CSRNP1: variants seen among roughly 807,000 people sequenced by gnomAD.
CSRNP1 encodes cysteine/serine-rich nuclear protein 1.
Under a neutral mutation model 25.0 loss-of-function variants are expected in CSRNP1, and 8 were observed. The observed-to-expected ratio is 0.32, with a 90% confidence interval of 0.19 to 0.58. CSRNP1 has a LOEUF of 0.58. Ranked by LOEUF, CSRNP1 falls within the 20% of genes least tolerant of loss-of-function variation. CSRNP1 has a pLI of 0.88. For synonymous variants in CSRNP1, 305 were observed against 303.1 expected (o/e 1.01, Z -0.06); for missense variants, 691 against 773.1 (o/e 0.89, Z 1.26).
intron 1 of CSRNP1, among the ~76,000 whole-genome samples, chr3:39,147,080 C>T (rs956324298): frequency 2.6e-5 from 4 of 151,984 alleles, no homozygotes; most frequent in Non-Finnish European, 5.9e-5. Context: ...TGCATCCACA[C>T]CAGCAGGGGA....
At chr3:39,153,712 C>A, upstream of CSRNP1, 1 of 151,472 alleles carries the variant, frequency 6.6e-6, no homozygotes. Context: ...CCCGGAGGCG[C>A]CGCCTCCTCC....
At chr3:39,146,410 G>A (rs2039511375) in intron 2 of CSRNP1, 68 bp downstream of exon 2, 1 of 1,472,530 alleles carries the variant, frequency 6.8e-7, no homozygotes, top group Admixed American at 2.6e-5. Context: ...ATTTGGTCAG[G>A]GACTTCTAAA....
chr3:39,146,497 G>A lies in CSRNP1; in HGVS notation c.186C>T (p.Cys62=), dbSNP rs1003217741. The change falls in exon 2 of 5, where the codon TGC becomes TGT. Residue 62 remains cysteine, a synonymous_variant. Coordinates refer to ENST00000273153, the MANE Select transcript of CSRNP1 (RefSeq NM_033027.4). Reference sequence around the variant, plus strand: ...ACTCACGGGTGAAACTTCTGGGGCCGCAGAAGTCACGGTCAGGCAGGGGCA... The same window carrying A: ...ACTCACGGGTGAAACTTCTGGGGCCACAGAAGTCACGGTCAGGCAGGGGCA... ...DQMPLPDRDF[C]GPRSFTPLSI... 6.5e-6 allele frequency: 10 copies of A among 1,546,658 alleles called. No individual in the cohort carries two copies. Among genetic ancestry groups the A allele is most frequent in the South Asian group, 3.6e-5 (3 of 83,706 alleles).
In CSRNP1 at chr3:39,143,718, A is replaced by C; in HGVS notation, c.1107T>G (p.Pro369=). The C allele has an allele frequency of 6.2e-7, 1 of 1,614,236 alleles. No individual in the cohort carries two copies. Among genetic ancestry groups the C allele is most frequent in the Non-Finnish European group, 8.5e-7 (1 of 1,180,040 alleles). Residue 369 remains proline, a synonymous_variant, in exon 5 of 5, where the codon CCT becomes CCG. Coordinates refer to ENST00000273153, the MANE Select transcript of CSRNP1 (RefSeq NM_033027.4). ...GCAGGCCTGGGTGGGTGGGGCAGTC[A>C]GGAGCCTCACTAGTGCCCGATGCTG... ...SSSASGTSEA[P]DCPTHPGLPG...
chr3:39,146,158 A>G (rs1042438342), intron 2 of CSRNP1, among the ~76,000 whole-genome samples: 5 of 152,200 alleles, frequency 3.3e-5, no homozygotes, highest in Admixed American at 2.6e-4. Flanking sequence ...GAACTCCAGC[A>G]GTTCCATTTG....
intron 1 of CSRNP1, among the ~76,000 whole-genome samples, chr3:39,148,027 T>G (rs2039540465): frequency 6.6e-6 from 1 of 152,178 alleles, no homozygotes; most frequent in Non-Finnish European, 1.5e-5. Flanking sequence ...AACACTCCTT[T>G]GCCCTCTTCC....
chr3:39,144,268 G>C lies in CSRNP1; in HGVS notation c.649C>G (p.Arg217Gly), dbSNP rs1230198888. The change falls in exon 4 of 5, where the codon CGA becomes GGA. Residue 217 changes from arginine (R) to glycine (G), a missense_variant. Arg to Gly is a moderately radical substitution (Grantham distance 125). Coordinates refer to ENST00000273153, the MANE Select transcript of CSRNP1 (RefSeq NM_033027.4). ...CGCTTCTCCTCCCGATCGATCCTTC[G>C]CACACCTGAAGCCCTCAGCAGAGCT... The part of the protein sequence containing the change: ...RRALLRASGV[R>G]RIDREEKREL... The C allele has an allele frequency of 6.2e-7, 1 of 1,614,012 alleles. No homozygotes were observed. Among genetic ancestry groups the C allele is most frequent in the Non-Finnish European group, 8.5e-7 (1 of 1,180,024 alleles).
intron 1 of CSRNP1, among the ~76,000 whole-genome samples, chr3:39,146,975 C>A (rs1191669263): frequency 1.3e-5 from 2 of 152,098 alleles, no homozygotes; most frequent in Non-Finnish European, 2.9e-5. Context: ...CCCACCTCTG[C>A]CCAAAGCCTT....
chr3:39,146,500 G>A lies in CSRNP1; in HGVS notation c.183C>T (p.Phe61=), dbSNP rs2039513031. Reference sequence around the variant, plus strand: ...CACGGGTGAAACTTCTGGGGCCGCAGAAGTCACGGTCAGGCAGGGGCATCT... The same window carrying A: ...CACGGGTGAAACTTCTGGGGCCGCAAAAGTCACGGTCAGGCAGGGGCATCT... ...WDQMPLPDRD[F]CGPRSFTPLS... Residue 61 remains phenylalanine, a synonymous_variant, in exon 2 of 5, where the codon TTC becomes TTT. Transcript: ENST00000273153. 3.2e-6 allele frequency: 5 copies of A among 1,548,128 alleles called. No individual in the cohort carries two copies. In the South Asian group the frequency reaches 3.6e-5, roughly 11 times the overall value.
In CSRNP1 at chr3:39,144,152, T is replaced by C. The variant is rs1275470471; in HGVS notation, c.765A>G (p.Ala255=). 3 of 1,613,124 alleles carry C rather than the reference T, an allele frequency of 1.9e-6. No homozygotes were observed. The highest frequency in any genetic ancestry group is 2.2e-5 in the East Asian group (1 of 44,846). ...GCCACCACACCTGGCACTTGATGCC[T>C]GCCAGGCTGCAGCTGCAGGTCTCAG... ...CDPETCSCSL[A]GIKCQMDHTA... Residue 255 remains alanine, a synonymous_variant, in exon 4 of 5, where the codon GCA becomes GCG. Transcript: ENST00000273153.
rs1372622205 is a variant in CSRNP1, at chr3:39,146,513, G to A, written c.170C>T (p.Pro57Leu). Residue 57 changes from proline (P) to leucine (L), a missense_variant, in exon 2 of 5, where the codon CCT (proline) becomes CTT (leucine). Coordinates refer to ENST00000273153, the MANE Select transcript of CSRNP1 (RefSeq NM_033027.4). ...EEGPWDQMPLPDRDFCGPRSF... is the reference protein window; with the variant it reads ...EEGPWDQMPLLDRDFCGPRSF... ...TCTGGGGCCGCAGAAGTCACGGTCAGGCAGGGGCATCTGATCCCAGGGGCC... is the reference window on the plus strand; with the variant it reads ...TCTGGGGCCGCAGAAGTCACGGTCAAGCAGGGGCATCTGATCCCAGGGGCC... 7.7e-6 allele frequency: 12 copies of A among 1,550,710 alleles called. No individual in the cohort carries two copies. Among genetic ancestry groups the A allele is most frequent in the Non-Finnish European group, 1.0e-5 (12 of 1,146,494 alleles).
rs2039442502 is a variant in CSRNP1, at chr3:39,143,297, C to T, written c.1528G>A (p.Ala510Thr). 1 of 1,614,044 alleles carries T rather than the reference C, an allele frequency of 6.2e-7. No homozygotes were observed. The highest frequency in any genetic ancestry group is 1.3e-5 in the African/African-American group (1 of 74,920). Residue 510 changes from alanine (A) to threonine (T), a missense_variant, in exon 5 of 5, where the codon GCT (alanine) becomes ACT (threonine). Transcript: ENST00000273153. ...SSCDSFELLQ[A>T]LPDYSLGPHY... is the part of the protein sequence containing the mutation. Reference sequence around the variant, plus strand: ...GGCCCCAGACTATAATCTGGCAGAGCCTGGAGTAACTCAAAGGAGTCACAA... The same window carrying T: ...GGCCCCAGACTATAATCTGGCAGAGTCTGGAGTAACTCAAAGGAGTCACAA...
In CSRNP1 at chr3:39,144,016, C is replaced by G; in HGVS notation, c.809G>C (p.Cys270Ser). Residue 270 changes from cysteine (C) to serine (S), a missense_variant, in exon 5 of 5, where the codon TGC (cysteine) becomes TCC (serine). Physicochemically the swap from Cys to Ser is moderately radical, Grantham distance 112 (BLOSUM62 -1). Transcript: ENST00000273153. ...GGGGTTCTCACAGCCCTCCCTGCAG[C>G]AGCCACAGGGGAATGCTGTGTGGTC... Reference protein sequence around the residue: ...QMDHTAFPCGCCREGCENPMG... With the variant: ...QMDHTAFPCGSCREGCENPMG... 1.2e-6 allele frequency: 2 copies of G among 1,612,746 alleles called. No individual in the cohort carries two copies.
chr3:39,143,302 A>G lies in CSRNP1; in HGVS notation c.1523T>C (p.Leu508Pro). 1 of 1,614,190 alleles carries G rather than the reference A, an allele frequency of 6.2e-7. No homozygotes were observed. Among genetic ancestry groups the G allele is most frequent in the Non-Finnish European group, 8.5e-7 (1 of 1,180,030 alleles). Reference sequence around the variant, plus strand: ...CAGACTATAATCTGGCAGAGCCTGGAGTAACTCAAAGGAGTCACAAGAAGA... The same window carrying G: ...CAGACTATAATCTGGCAGAGCCTGGGGTAACTCAAAGGAGTCACAAGAAGA... The part of the protein sequence containing the change: ...SLSSCDSFEL[L>P]QALPDYSLGP... The change falls in exon 5 of 5, where the codon CTC (leucine) becomes CCC (proline). Residue 508 changes from leucine (L) to proline (P), a missense_variant. Transcript: ENST00000273153.
rs1422505810 is a variant in CSRNP1 at position 39,143,868 on chromosome 3, G to A, written c.957C>T (p.Ser319=). ...FRELEAPAQG[S]PPSPGEEALV... is the part of the protein sequence containing the mutation. ...GGGCCTCCTCACCAGGGCTGGGTGG[G>A]CTGCCCTGGGCAGGGGCCTCCAGCT... Residue 319 remains serine (S), a synonymous_variant, in exon 5 of 5, where the codon AGC becomes AGT. Coordinates refer to ENST00000273153, the MANE Select transcript of CSRNP1 (RefSeq NM_033027.4). The A allele has an allele frequency of 1.9e-6, 3 of 1,614,220 alleles. No homozygotes were observed. Among genetic ancestry groups the A allele is most frequent in the Non-Finnish European group, 2.5e-6 (3 of 1,180,024 alleles).
At position 39,143,219 on chromosome 3, in the gene CSRNP1, G is replaced by C; in HGVS notation, c.1606C>G (p.His536Asp). 1.2e-6 allele frequency: 2 copies of C among 1,614,230 alleles called. No homozygotes were observed. The highest frequency in any genetic ancestry group is 8.5e-7 in the Non-Finnish European group (1 of 1,180,050). ...SDSLDNIEAP[H>D]FPLPGLSPPG... ...GGAGACAGGCCAGGCAGGGGGAAGTGAGGTGCCTCGATGTTGTCCAGGCTG... is the reference window on the plus strand; with the variant it reads ...GGAGACAGGCCAGGCAGGGGGAAGTCAGGTGCCTCGATGTTGTCCAGGCTG... Residue 536 changes from histidine (H) to aspartate (D), a missense_variant, in exon 5 of 5, where the codon CAC (histidine) becomes GAC (aspartate). Coordinates refer to ENST00000273153, the MANE Select transcript of CSRNP1 (RefSeq NM_033027.4).
Position 39,143,845 on chromosome 3 carries a change from G to A in CSRNP1, c.980C>T (p.Ala327Val), listed in dbSNP as rs1204437952. 1 of 1,614,208 alleles carries A rather than the reference G, an allele frequency of 6.2e-7. No homozygotes were observed. Among genetic ancestry groups the A allele is most frequent in the Admixed American group, 1.7e-5 (1 of 60,024 alleles). The part of the protein sequence containing the change: ...QGSPPSPGEE[A>V]LVPTFPLAKP... Reference sequence around the variant, plus strand: ...GGCCAGTGGGAAAGTAGGGACCAGGGCCTCCTCACCAGGGCTGGGTGGGCT... The same window carrying A: ...GGCCAGTGGGAAAGTAGGGACCAGGACCTCCTCACCAGGGCTGGGTGGGCT... Residue 327 changes from alanine to valine, a missense_variant, in exon 5 of 5, where the codon GCC (alanine) becomes GTC (valine). By Grantham distance (64) the Ala-to-Val change is moderately conservative. Coordinates refer to ENST00000273153, the MANE Select transcript of CSRNP1 (RefSeq NM_033027.4).
At chr3:39,145,650 G>A (rs1302297803) in intron 2 of CSRNP1, among the ~76,000 whole-genome samples, 1 of 152,152 alleles carries the variant, frequency 6.6e-6, no homozygotes, top group Non-Finnish European at 1.5e-5. Context: ...TGATTAGTAA[G>A]CTATGTACTG....
intron 1 of CSRNP1, chr3:39,148,506 A>C (rs1463805084): frequency 6.6e-6 from 1 of 152,522 alleles, no homozygotes; most frequent in African/African-American, 2.4e-5. Flanking sequence ...CCACACATCC[A>C]GCCTGAGATC....
Sources: allele counts gnomAD v4.1 joint callset (sites outside exome capture counted in the v4.1 genomes callset), GRCh38; gene constraint gnomAD v4.1.1; transcripts MANE v1.5; gene names NCBI Gene and HGNC (gene_info 2026-07-23, HGNC 2026-07-21).